The following SLC4A5 variants were observed in gnomAD, a reference collection of about 807,000 sequenced individuals.
SLC4A5 encodes electrogenic sodium bicarbonate cotransporter 4.
In SLC4A5, 96 loss-of-function variants were observed where a neutral mutation model predicts 120.4. The observed-to-expected ratio is 0.80, with a 90% CI of 0.68 to 0.94. The LOEUF is 0.94. SLC4A5 is among the 40% of genes least tolerant of loss of function. The pLI, the probability that SLC4A5 is intolerant of heterozygous loss-of-function variation, is 0.00. For missense variants in SLC4A5, 1,259 were observed against 1,459.5 expected (o/e 0.86, Z 2.24); for synonymous variants, 550 against 571.1 (o/e 0.96, Z 0.53).
chr2:74,229,561 C>T (rs972554813), intron 25 of SLC4A5, among the ~76,000 whole-genome samples: 2 of 152,092 alleles, frequency 1.3e-5, no homozygotes, highest in South Asian at 2.1e-4. Flanking sequence ...CAGCCTGATT[C>T]GAGCTTTTTA....
intron 8 of SLC4A5, among the ~76,000 whole-genome samples, chr2:74,277,562 TA>T (rs1180465163): frequency 1.4e-4 from 21 of 145,056 alleles, no homozygotes; most frequent in South Asian, 4.4e-4. Context: ...GACTGAAAAA[TA>T]AAAAAAAAAA....
At chr2:74,263,049 C>T (rs1252722056) in intron 10 of SLC4A5, among the ~76,000 whole-genome samples, 4 of 152,060 alleles carry the variant, frequency 2.6e-5, no homozygotes, top group South Asian at 2.1e-4. Flanking sequence ...GTTTTGGGAG[C>T]GATTTTTTGA....
At chr2:74,334,224 A>G (rs1673431034) in intron 3 of SLC4A5, 47 bp from the exon 4 acceptor site, 1 of 152,282 alleles carries the variant, frequency 6.6e-6, no homozygotes, top group Non-Finnish European at 1.5e-5. Context: ...AGAGAAGCTG[A>G]GACATTGTAA....
chr2:74,292,929 A>G (rs1378229391), intron 7 of SLC4A5, among the ~76,000 whole-genome samples: 1 of 152,136 alleles, frequency 6.6e-6, no homozygotes, highest in Non-Finnish European at 1.5e-5. Flanking sequence ...GGCCCCTGAC[A>G]TGGGTTCACA....
At chr2:74,300,560 T>C (rs1672449294) in intron 7 of SLC4A5, among the ~76,000 whole-genome samples, 1 of 152,212 alleles carries the variant, frequency 6.6e-6, no homozygotes, top group African/African-American at 2.4e-5. Flanking sequence ...TTACCTATCA[T>C]TTAAGACTCA....
At chr2:74,273,859 T>C (rs1032371099) in intron 8 of SLC4A5, among the ~76,000 whole-genome samples, 1 of 152,138 alleles carries the variant, frequency 6.6e-6, no homozygotes, top group African/African-American at 2.4e-5. Context: ...GGAAGGAAGA[T>C]TTTTCAAAAG....
At chr2:74,342,724 A>C (rs751587516) in intron 1 of SLC4A5, among the ~76,000 whole-genome samples, 190 bp from the exon 2 acceptor site, 5 of 152,308 alleles carry the variant, frequency 3.3e-5, no homozygotes, top group South Asian at 2.1e-4. Flanking sequence ...GATGGGGACT[A>C]GCTCTGGTTC....
At chr2:74,237,329 T>G (rs1670301289) in intron 21 of SLC4A5, among the ~76,000 whole-genome samples, 1 of 152,168 alleles carries the variant, frequency 6.6e-6, no homozygotes, top group Admixed American at 6.5e-5. Flanking sequence ...GGCACAAGAA[T>G]TTCATGCCAC....
chr2:74,270,061 T>C (rs1281556528), intron 8 of SLC4A5, among the ~76,000 whole-genome samples: 1 of 152,186 alleles, frequency 6.6e-6, no homozygotes, highest in Non-Finnish European at 1.5e-5. Flanking sequence ...ACTAAATTAC[T>C]TGTCTCCAAT....
chr2:74,248,919 T>C (rs1670704296), intron 17 of SLC4A5, among the ~76,000 whole-genome samples: 1 of 152,224 alleles, frequency 6.6e-6, no homozygotes, highest in African/African-American at 2.4e-5. Flanking sequence ...TGAGAACCCA[T>C]CACTGAACAA....
intron 30 of SLC4A5, among the ~76,000 whole-genome samples, chr2:74,220,517 CT>C (rs887993475): frequency 4.6e-5 from 7 of 151,388 alleles, no homozygotes; most frequent in African/African-American, 1.7e-4. Context: ...TTTCTGTTTT[CT>C]TTTTTTTTCT....
chr2:74,323,910 G>C (rs185884030), intron 5 of SLC4A5, among the ~76,000 whole-genome samples: 43 of 152,260 alleles, frequency 2.8e-4, no homozygotes, highest in African/African-American at 1.0e-3. Context: ...ATTATTAAAA[G>C]GTAGCCAGGA....
chr2:74,262,071 T>C (rs1671153668), intron 11 of SLC4A5, 66 bp downstream of exon 11: 3 of 1,445,020 alleles, frequency 2.1e-6, no homozygotes, highest in Admixed American at 3.6e-5. Flanking sequence ...CCTATGGCAA[T>C]GTGGCCATGT....
At chr2:74,292,175 C>T (rs1021533013) in intron 7 of SLC4A5, among the ~76,000 whole-genome samples, 2 of 152,172 alleles carry the variant, frequency 1.3e-5, no homozygotes, top group Non-Finnish European at 2.9e-5. Flanking sequence ...GACTGGCTGG[C>T]ACAGCACTCG....
chr2:74,245,219 T>TGAGGCAGGAGAATCGCTTG (rs1437805726), intron 19 of SLC4A5, among the ~76,000 whole-genome samples: 4 of 152,180 alleles, frequency 2.6e-5, no homozygotes, highest in Admixed American at 6.5e-5. Flanking sequence ...CTTGGGAGGC[T>TGAGGCAGGAGAATCGCTTG]GAGGCAGGAG....
At position 74,267,735 on chromosome 2, in the gene SLC4A5, C is replaced by G. The variant is rs185083444; in HGVS notation, c.402-2471G>C. On this transcript the variant is annotated intron_variant, in intron 8 of 30. Coordinates refer to ENST00000394019, the Ensembl canonical transcript of SLC4A5. ...GTTAGGCTGGGTGAGGTGGCTCACG[C>G]CTGTGATTCCAGCACTTTGGGAGGC... Among the ~76,000 whole-genome samples, 865 of 152,338 alleles carry G rather than the reference C, an allele frequency of 5.7e-3. 15 individuals are homozygous for G. The highest frequency in any genetic ancestry group is 5.2e-3 in the Non-Finnish European group (357 of 68,036).
chr2:74,250,643 A>G, intron 16 of SLC4A5, 126 bp from the exon 17 acceptor site: 2 of 1,131,166 alleles, frequency 1.8e-6, no homozygotes, highest in Admixed American at 2.3e-5. Flanking sequence ...TGGGGCAAAG[A>G]TCTTTCCACC....
exon 21 of SLC4A5, chr2:74,239,422 C>A: frequency 6.2e-7 from 1 of 1,614,166 alleles, no homozygotes; most frequent in East Asian, 2.2e-5. Flanking sequence ...AGGACATGAG[C>A]GCCAGGTCTG....
intron 4 of SLC4A5, among the ~76,000 whole-genome samples, chr2:74,331,772 G>GA (rs1295058466): frequency 2.0e-5 from 3 of 152,076 alleles, no homozygotes; most frequent in African/African-American, 7.2e-5. Flanking sequence ...CTTGAGAAAA[G>GA]TACTCTCCAC....
Sources: gnomAD v4.1 joint callset for allele counts (sites outside exome capture counted in the v4.1 genomes callset) on GRCh38, gnomAD v4.1.1 for gene constraint, MANE v1.5 for transcripts, NCBI Gene and HGNC (gene_info 2026-07-23, HGNC 2026-07-21) for gene names.